CHD1L: variants seen among roughly 807,000 people sequenced by gnomAD.
CHD1L encodes the protein chromodomain helicase DNA binding protein 1 like.
CHD1L carries 118 observed loss-of-function variants against 115.9 expected under a neutral mutation model. The observed-to-expected ratio is 1.02, with a 90% confidence interval of 0.88 to 1.19. The LOEUF (loss-of-function observed/expected upper bound fraction) is 1.19. CHD1L is among the 50% of genes most tolerant of loss of function. The pLI, the probability that CHD1L is intolerant of heterozygous loss-of-function variation, is 0.00. For synonymous variants in CHD1L, 411 were observed against 387.1 expected (o/e 1.06, Z -0.72); for missense variants, 1,179 against 1,065.3 (o/e 1.11, Z -1.49).
At chr1:147,261,876 CT>C (rs1277944800) in intron 6 of CHD1L, among the ~76,000 whole-genome samples, 12 of 152,064 alleles carry the variant, frequency 7.9e-5, no homozygotes, top group South Asian at 4.1e-4. Context: ...TTATTTCCCC[CT>C]AATATTGTTT....
Position 147,252,798 on chromosome 1 carries a change from GGAGCTGA to G in CHD1L, c.240+69_240+75del, listed in dbSNP as rs1214537550. On this transcript the variant is annotated intron_variant, in intron 2 of 22. Coordinates refer to ENST00000369258, the MANE Select transcript of CHD1L (RefSeq NM_004284.6). ...GCGATACTTCCTTATAACTCATTCT[GGAGCTGA>G]GAGCTCTGGAGCTAAAACAAAGCTC... 18 of 1,314,188 alleles carry G rather than the reference GGAGCTGA, an allele frequency of 1.4e-5. No individual in the cohort carries two copies. The African/African-American group carries it at 2.6e-4, about 19-fold the overall frequency. The allele number at this position is 1,314,188 out of a possible 1,614,324, so 81.4% of individuals were successfully genotyped here. A position where few individuals can be genotyped will look rare whatever the true frequency, so the allele number is the denominator to read the frequency against.
At chr1:147,254,188 C>T (rs1408193062) in intron 2 of CHD1L, among the ~76,000 whole-genome samples, 3 of 152,150 alleles carry the variant, frequency 2.0e-5, no homozygotes, top group African/African-American at 7.2e-5. Context: ...GAAGTATGCC[C>T]ATTTGCCTTT....
the CHD1L span, among the ~76,000 whole-genome samples, chr1:147,195,109 A>T: frequency 6.6e-6 from 1 of 152,070 alleles, no homozygotes; most frequent in Non-Finnish European, 1.5e-5. Context: ...GTGTTTTCCA[A>T]CTTGGTTCCA....
upstream of CHD1L, among the ~76,000 whole-genome samples, chr1:147,239,919 CA>C (rs1316992459): frequency 1.3e-5 from 2 of 152,146 alleles, no homozygotes; most frequent in African/African-American, 4.8e-5. Context: ...GACCAAGATG[CA>C]AAAACCACTC....
At chr1:147,268,601 A>G (rs1674889455) in intron 9 of CHD1L, among the ~76,000 whole-genome samples, 181 bp from the exon 10 acceptor site, 1 of 152,126 alleles carries the variant, frequency 6.6e-6, no homozygotes, top group Non-Finnish European at 1.5e-5. Flanking sequence ...TATTCCTTAC[A>G]CAGATGTTTA....
chr1:147,190,321 A>G, the CHD1L span: 1 of 959,858 alleles, frequency 1.0e-6, no homozygotes, highest in Non-Finnish European at 1.6e-6. Flanking sequence ...AACAATTACT[A>G]TGCTATGGAG....
chr1:147,235,087 C>CTGTGTG, the CHD1L span, among the ~76,000 whole-genome samples: 8,223 of 146,078 alleles, frequency 0.056, 249 homozygotes, highest in African/African-American at 0.068. Context: ...ATATCCCACA[C>CTGTGTG]TGTGTGTGTG....
chr1:147,208,214 G>C, the CHD1L span, among the ~76,000 whole-genome samples: 4 of 152,012 alleles, frequency 2.6e-5, no homozygotes, highest in African/African-American at 9.7e-5. Context: ...ATGATGCCTG[G>C]CTCATAACAG....
chr1:147,292,845 A>C (rs1686071726), intron 20 of CHD1L, among the ~76,000 whole-genome samples: 1 of 152,198 alleles, frequency 6.6e-6, no homozygotes, highest in South Asian at 2.1e-4. Flanking sequence ...CCCATGATCC[A>C]ATACCTCCCA....
At chr1:147,241,941 G>C (rs1447427276), upstream of CHD1L, among the ~76,000 whole-genome samples, 2 of 152,186 alleles carry the variant, frequency 1.3e-5, no homozygotes. Flanking sequence ...TTATTGTGAA[G>C]GTTAAATAAG....
At chr1:147,202,378 G>C in the CHD1L span, among the ~76,000 whole-genome samples, 8,029 of 129,228 alleles carry the variant, frequency 0.062, 249 homozygotes, top group African/African-American at 0.11. Flanking sequence ...GGAGTGCAGT[G>C]GCATGATCTT....
chr1:147,233,144 G>A, the CHD1L span, among the ~76,000 whole-genome samples: 39 of 151,762 alleles, frequency 2.6e-4, no homozygotes, highest in Admixed American at 7.9e-4. Context: ...GCCTCTGCCC[G>A]GCTGCGACCC....
chr1:147,259,667 T>C lies in CHD1L; in HGVS notation c.495-170T>C, dbSNP rs369840956. ...TTGGTTTTACTACCTTATCCAGATATTGTATTATGCACATGTAGCCTCTCA... is the reference window on the plus strand; with the variant it reads ...TTGGTTTTACTACCTTATCCAGATACTGTATTATGCACATGTAGCCTCTCA... On this transcript the variant is annotated intron_variant, in intron 5 of 22. Transcript: ENST00000369258. 1.6e-4 allele frequency: 92 copies of C among 563,314 alleles called. No homozygotes were observed. In the East Asian group the frequency reaches 1.9e-3, roughly 11 times the overall value. 34.9% of individuals were successfully genotyped at this position (563,314 alleles called of 1,614,324 possible). A position where few individuals can be genotyped will look rare whatever the true frequency, so the allele number is the denominator to read the frequency against.
the CHD1L span, among the ~76,000 whole-genome samples, chr1:147,227,361 T>C: frequency 6.6e-6 from 1 of 152,236 alleles, no homozygotes; most frequent in Non-Finnish European, 1.5e-5. Context: ...TGAGTATTAA[T>C]TTCCTCCTAC....
chr1:147,185,877 T>G, the CHD1L span, among the ~76,000 whole-genome samples: 1 of 152,300 alleles, frequency 6.6e-6, no homozygotes, highest in Admixed American at 6.5e-5. Context: ...TTGCATTTCA[T>G]TTGCTCTGTT....
the CHD1L span, chr1:147,176,201 A>G: frequency 1.3e-5 from 2 of 152,358 alleles, no homozygotes; most frequent in African/African-American, 4.8e-5. Context: ...TTATTTTTAA[A>G]CAAATACCAT....
the CHD1L span, chr1:147,210,746 A>G: frequency 1.3e-5 from 2 of 152,214 alleles, no homozygotes; most frequent in African/African-American, 4.8e-5. Flanking sequence ...GGTGTGGTAT[A>G]TAGTAAACAC....
the CHD1L span, among the ~76,000 whole-genome samples, chr1:147,207,660 G>A: frequency 6.6e-6 from 1 of 152,222 alleles, no homozygotes; most frequent in African/African-American, 2.4e-5. Flanking sequence ...CAAAAATTGT[G>A]GAGGCCAAAG....
At chr1:147,287,773 A>G in intron 19 of CHD1L, 40 bp downstream of exon 19, 1 of 1,543,136 alleles carries the variant, frequency 6.5e-7, no homozygotes, top group Non-Finnish European at 8.9e-7. Flanking sequence ...GGGTGGAATA[A>G]GAGAGAAGAG....
Sources: gnomAD v4.1 joint callset for allele counts (sites outside exome capture counted in the v4.1 genomes callset) on GRCh38, gnomAD v4.1.1 for gene constraint, MANE v1.5 for transcripts, NCBI Gene and HGNC (gene_info 2026-07-23, HGNC 2026-07-21) for gene names.